MEGF6: variants seen among roughly 807,000 people sequenced by gnomAD.
MEGF6 encodes multiple EGF like domains 6, also known as multiple epidermal growth factor-like domains protein 6.
MEGF6 carries 184 observed loss-of-function variants against 207.1 expected under a neutral mutation model. That is an observed-to-expected ratio of 0.89 (90% CI 0.79 to 1.00). MEGF6 has a LOEUF of 1.00. MEGF6 is among the 50% of genes least tolerant of loss of function. MEGF6 has a pLI of 0.00. For synonymous variants in MEGF6, 1,038 were observed against 910.0 expected (o/e 1.14, Z -2.53); for missense variants, 2,282 against 2,202.9 (o/e 1.04, Z -0.72).
chr1:3,531,552 G>T, intron 4 of MEGF6: 1 of 949,028 alleles, frequency 1.1e-6, no homozygotes, highest in Non-Finnish European at 1.3e-6. Context: ...AGGGGGCCGC[G>T]CCGGCCCGCC....
intron 26 of MEGF6, 180 bp from the exon 27 acceptor site, chr1:3,497,541 C>T (rs10909951): frequency 0.42 from 358,250 of 859,422 alleles, 79,000 homozygotes; most frequent in Middle Eastern, 0.47. Flanking sequence ...AGGCAGGCCC[C>T]GGTGGCAAGG....
At chr1:3,608,092 C>G (rs12059331) in intron 1 of MEGF6, among the ~76,000 whole-genome samples, 5 of 151,940 alleles carry the variant, frequency 3.3e-5, no homozygotes, top group African/African-American at 1.2e-4. Flanking sequence ...CTCAGGCCAA[C>G]GGCCTCGCGC....
At chr1:3,508,739 G>C (rs759832122) in intron 12 of MEGF6, 50 bp from the exon 13 acceptor site, 6 of 1,599,314 alleles carry the variant, frequency 3.8e-6, no homozygotes, top group Middle Eastern at 1.7e-4. Flanking sequence ...CCTGGCCTCA[G>C]CAGGCACAGA....
intron 1 of MEGF6, among the ~76,000 whole-genome samples, chr1:3,606,053 G>T (rs1291455972): frequency 6.6e-6 from 1 of 152,224 alleles, no homozygotes; most frequent in East Asian, 1.9e-4. Flanking sequence ...ACACTTTCAT[G>T]TAACAGTGTC....
chr1:3,498,260 G>A (rs1286902693), intron 26 of MEGF6, 111 bp downstream of exon 26: 4 of 1,341,984 alleles, frequency 3.0e-6, no homozygotes, highest in East Asian at 5.1e-5. Flanking sequence ...CAGGACAACA[G>A]GTCCCCTGGT....
chr1:3,493,272 C>T (rs1466223822), intron 34 of MEGF6: 1 of 214,210 alleles, frequency 4.7e-6, no homozygotes, highest in Non-Finnish European at 9.4e-6. Context: ...CAGGTGAGCC[C>T]CTCTTATCCT....
intron 4 of MEGF6, among the ~76,000 whole-genome samples, chr1:3,576,858 C>T (rs1339704928): frequency 6.8e-6 from 1 of 147,946 alleles, no homozygotes; most frequent in Non-Finnish European, 1.5e-5. Flanking sequence ...GCATGCCCAG[C>T]CCTGCACACT....
At chr1:3,611,632 A>G (rs941146333), upstream of MEGF6, 1 of 47,796 alleles carries the variant, frequency 2.1e-5, no homozygotes, top group Non-Finnish European at 3.6e-5. Flanking sequence ...CCCCCTCCCC[A>G]TCTCCTACCC....
At chr1:3,540,744 C>T (rs1013923078) in intron 4 of MEGF6, among the ~76,000 whole-genome samples, 5 of 152,228 alleles carry the variant, frequency 3.3e-5, no homozygotes, top group African/African-American at 1.2e-4. Context: ...GAACCACTCC[C>T]TCCGATCTTT....
At chr1:3,525,872 G>A (rs962910564) in intron 4 of MEGF6, among the ~76,000 whole-genome samples, 1 of 152,228 alleles carries the variant, frequency 6.6e-6, no homozygotes, top group African/African-American at 2.4e-5. Context: ...CCCTCGCCAA[G>A]CTGGGCCTCG....
rs1257842452 is a variant in MEGF6 at position 3,510,815 on chromosome 1, T to C, written c.1202A>G (p.Tyr401Cys). The change falls in exon 10 of 37, where the codon TAC becomes TGC. Residue 401 changes from tyrosine to cysteine, a missense_variant. Physicochemically the swap from Tyr to Cys is radical, Grantham distance 194. Transcript: ENST00000356575. ...GCCGCAGCCATCGGCACTGAGCCGG[T>C]AGCCGGCGTAGCAGCCGCACTCGTA... ...GGYECGCYAG[Y>C]RLSADGCGCE... 3 of 1,610,190 alleles carry C rather than the reference T, an allele frequency of 1.9e-6. No homozygotes were observed. The highest frequency in any genetic ancestry group is 2.5e-6 in the Non-Finnish European group (3 of 1,177,976).
At chr1:3,524,083 T>A (rs2794322) in intron 5 of MEGF6, 41 bp downstream of exon 5, 2 of 1,595,012 alleles carry the variant, frequency 1.3e-6, no homozygotes, top group Non-Finnish European at 1.7e-6. Flanking sequence ...TAGGGATGGC[T>A]GAAGCCAGGA....
At chr1:3,579,180 A>G (rs1040949190) in intron 4 of MEGF6, among the ~76,000 whole-genome samples, 1 of 152,230 alleles carries the variant, frequency 6.6e-6, no homozygotes, top group Non-Finnish European at 1.5e-5. Flanking sequence ...CCACAGAGGA[A>G]GGGAAGACTC....
At position 3,494,480 on chromosome 1, in the gene MEGF6, G is replaced by A. The variant is rs369821903; in HGVS notation, c.4020C>T (p.Tyr1340=). The A allele has an allele frequency of 7.8e-5, 124 of 1,586,006 alleles. 1 individual carries two copies. The highest frequency in any genetic ancestry group is 6.4e-4 in the African/African-American group (48 of 74,598). Residue 1340 remains tyrosine (Y), a synonymous_variant, in exon 32 of 37, where the codon TAC becomes TAT. Coordinates refer to ENST00000356575, the MANE Select transcript of MEGF6 (RefSeq NM_001409.4). ...AGCACTCCAGATGGCAGGCGGCTCCGTAGCGCCCAGGGGGACAGGCTGGGG... is the reference window on the plus strand; with the variant it reads ...AGCACTCCAGATGGCAGGCGGCTCCATAGCGCCCAGGGGGACAGGCTGGGG... The part of the protein sequence containing the change: ...HCELACPPGR[Y]GAACHLECSC...
At chr1:3,552,822 C>T (rs932373766) in intron 4 of MEGF6, among the ~76,000 whole-genome samples, 2 of 152,138 alleles carry the variant, frequency 1.3e-5, no homozygotes, top group African/African-American at 2.4e-5. Context: ...CTTTTCTCTG[C>T]AGCCACCTTG....
chr1:3,521,184 C>T (rs1269805138), intron 5 of MEGF6, among the ~76,000 whole-genome samples: 1 of 152,180 alleles, frequency 6.6e-6, no homozygotes, highest in Non-Finnish European at 1.5e-5. Flanking sequence ...TCCCGCTGAG[C>T]AGCCCGCCCT....
chr1:3,497,206 T>G (rs1362296706), intron 27 of MEGF6, 27 bp downstream of exon 27: 1 of 1,530,400 alleles, frequency 6.5e-7, no homozygotes, highest in Admixed American at 2.0e-5. Flanking sequence ...CAGCCGCTCC[T>G]CGGGGTGGGG....
chr1:3,601,036 C>A (rs12097827), intron 2 of MEGF6, among the ~76,000 whole-genome samples: 60 of 152,280 alleles, frequency 3.9e-4, no homozygotes, highest in East Asian at 1.9e-3. Context: ...AGTGCCCCCC[C>A]CTCCAAGCAG....
chr1:3,501,868 C>G lies in MEGF6; in HGVS notation c.2242G>C (p.Gly748Arg), dbSNP rs767049341. 1 of 1,608,818 alleles carries G rather than the reference C, an allele frequency of 6.2e-7. No homozygotes were observed. Among genetic ancestry groups the G allele is most frequent in the Non-Finnish European group, 8.5e-7 (1 of 1,178,622 alleles). The change falls in exon 18 of 37, where the codon GGG becomes CGG. Residue 748 changes from glycine to arginine, a missense_variant. Transcript: ENST00000356575. Reference sequence around the variant, plus strand: ...CCCGTGACCCCGTGGCAGGGGGCCCCCCCACAGGAGCAGGAGCTCGAGCAG... The same window carrying G: ...CCCGTGACCCCGTGGCAGGGGGCCCGCCCACAGGAGCAGGAGCTCGAGCAG... ...VNCSSSCSCGGAPCHGVTGQC... is the reference protein window; with the variant it reads ...VNCSSSCSCGRAPCHGVTGQC...
Sources: allele counts gnomAD v4.1 joint callset (sites outside exome capture counted in the v4.1 genomes callset), GRCh38; gene constraint gnomAD v4.1.1; transcripts MANE v1.5; gene names NCBI Gene and HGNC (gene_info 2026-07-23, HGNC 2026-07-21).